COL24A1: variants seen among roughly 807,000 people sequenced by gnomAD.
COL24A1 encodes collagen type XXIV alpha 1 chain.
Under a neutral mutation model 253.9 loss-of-function variants are expected in COL24A1, and 224 were observed. That is an observed-to-expected ratio of 0.88 (90% confidence interval 0.79 to 0.99). The LOEUF (loss-of-function observed/expected upper bound fraction) is 0.99. Among genes scored for constraint, COL24A1 ranks in the 50% least tolerant of loss-of-function variants. COL24A1 has a pLI of 0.00. For synonymous variants in COL24A1, 685 were observed against 673.7 expected, an observed-to-expected ratio of 1.02 and a Z score of -0.26; for missense variants, 2,131 against 2,068.5, an observed-to-expected ratio of 1.03 and a Z score of -0.59.
chr1:86,024,484 A>C (rs941827280), intron 14 of COL24A1, among the ~76,000 whole-genome samples: 8 of 152,180 alleles, frequency 5.3e-5, no homozygotes. Flanking sequence ...ACATTTATAT[A>C]ATACAAATTT....
At chr1:85,958,292 C>T (rs962555273) in intron 24 of COL24A1, among the ~76,000 whole-genome samples, 7 of 152,170 alleles carry the variant, frequency 4.6e-5, no homozygotes, top group Middle Eastern at 6.8e-3. Context: ...ATGATTACTA[C>T]TTATATGTCA....
chr1:85,832,090 A>G (rs1031514791), intron 43 of COL24A1, among the ~76,000 whole-genome samples: 1 of 151,906 alleles, frequency 6.6e-6, no homozygotes, highest in African/African-American at 2.4e-5. Context: ...ATCCATCTTG[A>G]ATTAATTTTT....
chr1:85,901,694 C>A (rs1190439224), intron 28 of COL24A1, among the ~76,000 whole-genome samples: 1 of 151,618 alleles, frequency 6.6e-6, no homozygotes, highest in African/African-American at 2.4e-5. Flanking sequence ...AGCCTGTAAT[C>A]CCAGCTACTC....
At chr1:86,124,748 A>G (rs555530833) in intron 3 of COL24A1, 97 bp downstream of exon 3, 90 of 891,066 alleles carry the variant, frequency 1.0e-4, no homozygotes, top group Admixed American at 5.7e-4. Context: ...TCTGTTATGT[A>G]TTGTTTGGTC....
chr1:86,076,669 A>G (rs2101879967), intron 7 of COL24A1, among the ~76,000 whole-genome samples: 2 of 150,538 alleles, frequency 1.3e-5, no homozygotes, highest in South Asian at 4.2e-4. Context: ...ACCAAAACAG[A>G]GGCCTCAGAA....
intron 20 of COL24A1, among the ~76,000 whole-genome samples, chr1:85,974,629 A>G (rs931772640): frequency 2.0e-5 from 3 of 152,204 alleles, no homozygotes; most frequent in African/African-American, 7.2e-5. Flanking sequence ...GAGGAGGTAG[A>G]CACAATTAGA....
intron 52 of COL24A1, among the ~76,000 whole-genome samples, chr1:85,779,543 T>C (rs187665657): frequency 1.3e-5 from 2 of 152,260 alleles, no homozygotes; most frequent in East Asian, 3.9e-4. Context: ...ATGAGATAAT[T>C]GAGTCGCCAA....
intron 47 of COL24A1, among the ~76,000 whole-genome samples, chr1:85,796,421 G>A (rs965661054): frequency 2.6e-5 from 4 of 151,956 alleles, no homozygotes; most frequent in Admixed American, 6.6e-5. Context: ...GGACTAACAG[G>A]GACTGAAAGA....
chr1:86,152,710 TCTAAA>T (rs1652936738), intron 1 of COL24A1, among the ~76,000 whole-genome samples: 1 of 152,166 alleles, frequency 6.6e-6, no homozygotes, highest in African/African-American at 2.4e-5. Flanking sequence ...GAAAAATACA[TCTAAA>T]CTAGTCTGTC....
chr1:86,046,613 A>T (rs1472366282), intron 12 of COL24A1, among the ~76,000 whole-genome samples: 1 of 152,234 alleles, frequency 6.6e-6, no homozygotes, highest in Non-Finnish European at 1.5e-5. Context: ...TGAAAGGGTT[A>T]GAAGTGTTCA....
chr1:86,072,176 GA>G (rs1206844886), intron 7 of COL24A1, among the ~76,000 whole-genome samples: 2 of 152,170 alleles, frequency 1.3e-5, no homozygotes, highest in East Asian at 3.9e-4. Flanking sequence ...CACTCCCCTG[GA>G]AAGGAGGCTG....
intron 33 of COL24A1, among the ~76,000 whole-genome samples, chr1:85,875,809 G>A (rs1681097408): frequency 6.7e-6 from 1 of 149,724 alleles, no homozygotes; most frequent in South Asian, 2.1e-4. Context: ...GTCCATTTTT[G>A]TTGGGAAGCT....
intron 55 of COL24A1, among the ~76,000 whole-genome samples, chr1:85,758,172 A>G (rs1370763312): frequency 6.6e-6 from 1 of 152,132 alleles, no homozygotes; most frequent in African/African-American, 2.4e-5. Context: ...TAAAGTTTCA[A>G]GATCACTGGA....
chr1:85,734,716 T>C (rs753710856), intron 59 of COL24A1, 33 bp downstream of exon 59: 41 of 1,556,792 alleles, frequency 2.6e-5, no homozygotes, highest in Non-Finnish European at 3.5e-5. Flanking sequence ...AAGTTAGTTA[T>C]ATTGAACAAT....
At chr1:86,021,727 T>C (rs1365725103) in intron 18 of COL24A1, among the ~76,000 whole-genome samples, 1 of 152,064 alleles carries the variant, frequency 6.6e-6, no homozygotes, top group East Asian at 1.9e-4. Flanking sequence ...TAAGTAATTT[T>C]AGATTTATAA....
At chr1:85,892,715 TA>T (rs1229394252) in intron 31 of COL24A1, among the ~76,000 whole-genome samples, 3 of 152,132 alleles carry the variant, frequency 2.0e-5, no homozygotes, top group Non-Finnish European at 1.5e-5. Context: ...AATTATAGCA[TA>T]AAAAATATTA....
chr1:85,795,225 T>C (rs1210489873), intron 47 of COL24A1, among the ~76,000 whole-genome samples: 1 of 152,118 alleles, frequency 6.6e-6, no homozygotes, highest in East Asian at 1.9e-4. Context: ...ATTTTAGAAC[T>C]GAATGGAAAG....
chr1:85,846,214 T>G lies in COL24A1; in HGVS notation c.3462+1451A>C, dbSNP rs954196735. ...AATAAACTTAGTCTTCTACACCTTA[T>G]ATAAAAAAATACCCACAAAAAAACC... On this transcript the variant is annotated intron_variant, in intron 39 of 59. Transcript: ENST00000370571. 5.1e-4 allele frequency among the ~76,000 whole-genome samples: 77 copies of G among 151,744 alleles called. 1 individual carries two copies. The highest frequency in any genetic ancestry group is 2.7e-4 in the Non-Finnish European group (18 of 67,800).
chr1:85,817,704 C>T (rs919517542), intron 46 of COL24A1, among the ~76,000 whole-genome samples: 2 of 152,088 alleles, frequency 1.3e-5, no homozygotes, highest in African/African-American at 2.4e-5. Flanking sequence ...GCTTGAATAT[C>T]TCTGGCCTTT....
Sources: allele counts gnomAD v4.1 joint callset (sites outside exome capture counted in the v4.1 genomes callset), GRCh38; gene constraint gnomAD v4.1.1; transcripts MANE v1.5; gene names NCBI Gene and HGNC (gene_info 2026-07-23, HGNC 2026-07-21).